The following ARHGAP12 variants were observed in gnomAD, a reference collection of about 807,000 sequenced individuals.
The protein encoded by ARHGAP12 is rho GTPase-activating protein 12.
In ARHGAP12, 64 loss-of-function variants were observed where a neutral mutation model predicts 108.6. The ratio of observed to expected loss-of-function variants is 0.59; its 90% CI spans 0.48 to 0.73. The LOEUF is 0.73. ARHGAP12 is among the 30% of genes least tolerant of loss of function. The pLI is 0.00. For synonymous variants in ARHGAP12, 312 were observed against 337.2 expected (o/e 0.93, Z 0.82); for missense variants, 940 against 1,005.9 (o/e 0.93, Z 0.89).
rs763287975 is a variant in ARHGAP12 at position 31,831,811 on chromosome 10, G to A, written c.1387-11C>T. 9.3e-6 allele frequency: 14 copies of A among 1,509,412 alleles called. 1 individual carries two copies. The South Asian group carries it at 1.4e-4, about 15-fold the overall frequency. The allele number at this position is 1,509,412 out of a possible 1,614,324, so 93.5% of individuals were successfully genotyped here. A position where few individuals can be genotyped will look rare whatever the true frequency, so the allele number is the denominator to read the frequency against. ...ATATTTCTCTTGATCCTATGGAACA[G>A]AGTAATACTGTTTATACAATCACAT... On this transcript the variant is annotated splice_polypyrimidine_tract_variant and intron_variant, in intron 9 of 19. Transcript: ENST00000344936.
intron 3 of ARHGAP12, among the ~76,000 whole-genome samples, chr10:31,901,557 A>G (rs1318267558): frequency 6.8e-6 from 1 of 146,852 alleles, no homozygotes; most frequent in Admixed American, 6.8e-5. Flanking sequence ...AAAAAAAAAA[A>G]AGTTTGAAAC....
At chr10:31,901,953 G>A (rs995073663) in intron 3 of ARHGAP12, among the ~76,000 whole-genome samples, 23 of 152,026 alleles carry the variant, frequency 1.5e-4, no homozygotes, top group African/African-American at 4.3e-4. Context: ...GGATAATCTC[G>A]TCAAGATCCT....
chr10:31,894,686 T>C (rs903418572), intron 3 of ARHGAP12, among the ~76,000 whole-genome samples: 1 of 152,182 alleles, frequency 6.6e-6, no homozygotes, highest in African/African-American at 2.4e-5. Context: ...AGGTAGATTA[T>C]AGATTCATTG....
At chr10:31,916,831 G>C (rs1032553626) in intron 1 of ARHGAP12, among the ~76,000 whole-genome samples, 3 of 151,888 alleles carry the variant, frequency 2.0e-5, no homozygotes, top group African/African-American at 7.3e-5. Context: ...TGGCCAGGCT[G>C]GTCTGGAATT....
intron 4 of ARHGAP12, among the ~76,000 whole-genome samples, chr10:31,856,034 T>A (rs1386953052): frequency 6.6e-6 from 1 of 152,154 alleles, no homozygotes; most frequent in Non-Finnish European, 1.5e-5. Context: ...ACCAATTCAG[T>A]AACTTTGGGA....
chr10:31,854,272 T>A, intron 4 of ARHGAP12, 66 bp from the exon 5 acceptor site: 1 of 1,386,778 alleles, frequency 7.2e-7, no homozygotes, highest in Non-Finnish European at 9.7e-7. Context: ...GTTGAAAATC[T>A]AATAAATAAA....
chr10:31,926,717 ACTTT>A (rs1840063629), intron 1 of ARHGAP12, among the ~76,000 whole-genome samples: 1 of 152,216 alleles, frequency 6.6e-6, no homozygotes, highest in African/African-American at 2.4e-5. Context: ...TGTAAAGTTC[ACTTT>A]CTATCAGCCT....
At chr10:31,835,605 T>C (rs748224894) in intron 9 of ARHGAP12, among the ~76,000 whole-genome samples, 10 of 152,222 alleles carry the variant, frequency 6.6e-5, no homozygotes, top group Non-Finnish European at 1.3e-4. Flanking sequence ...TGCATTCTTT[T>C]AGTAAAGTAG....
chr10:31,832,794 AT>A (rs200823707), intron 9 of ARHGAP12, among the ~76,000 whole-genome samples: 2 of 151,984 alleles, frequency 1.3e-5, no homozygotes, highest in South Asian at 2.1e-4. Flanking sequence ...AATATTGAGC[AT>A]TTTTTTTACC....
chr10:31,887,555 TA>T (rs1293888335), intron 3 of ARHGAP12, among the ~76,000 whole-genome samples: 1 of 152,052 alleles, frequency 6.6e-6, no homozygotes, highest in African/African-American at 2.4e-5. Context: ...CAAAGATCAA[TA>T]GGACACAATC....
intron 11 of ARHGAP12, among the ~76,000 whole-genome samples, chr10:31,821,118 C>A (rs1835401133): frequency 6.6e-6 from 1 of 152,060 alleles, no homozygotes; most frequent in African/African-American, 2.4e-5. Context: ...ACGCTGTTAA[C>A]AACAACTTGT....
intron 3 of ARHGAP12, among the ~76,000 whole-genome samples, chr10:31,874,236 C>A (rs1837642567): frequency 6.6e-6 from 1 of 152,174 alleles, no homozygotes; most frequent in Non-Finnish European, 1.5e-5. Flanking sequence ...GCCCAACATA[C>A]CATCTTTTCT....
intron 12 of ARHGAP12, among the ~76,000 whole-genome samples, chr10:31,819,300 C>A (rs976949590): frequency 6.6e-6 from 1 of 152,108 alleles, no homozygotes; most frequent in Non-Finnish European, 1.5e-5. Flanking sequence ...AAAACCTGGG[C>A]TCCACTTGGA....
chr10:31,923,718 G>C (rs997579083), intron 1 of ARHGAP12, among the ~76,000 whole-genome samples: 2 of 152,130 alleles, frequency 1.3e-5, no homozygotes, highest in African/African-American at 4.8e-5. Context: ...TAAAATTCTA[G>C]AAAATTGATT....
rs74127851 is a variant in ARHGAP12 at position 31,837,490 on chromosome 10, A to C, written c.1386+1815T>G. ...TAATAACTTGCACTTATTCAATGCA[A>C]TTAGTGACTTGAGAGTTCAGATAAA... On this transcript the variant is annotated intron_variant, in intron 9 of 19. Transcript: ENST00000344936. 3.5e-3 allele frequency among the ~76,000 whole-genome samples: 527 copies of C among 152,342 alleles called. 2 individuals are homozygous for C. The highest frequency in any genetic ancestry group is 0.012 in the African/African-American group (514 of 41,586).
At chr10:31,824,385 T>C (rs959336323) in intron 11 of ARHGAP12, among the ~76,000 whole-genome samples, 1 of 152,158 alleles carries the variant, frequency 6.6e-6, no homozygotes, top group Non-Finnish European at 1.5e-5. Context: ...AAAATAGTGA[T>C]TCCCTGTAAT....
intron 4 of ARHGAP12, among the ~76,000 whole-genome samples, chr10:31,858,945 C>G (rs1486668807): frequency 6.6e-6 from 1 of 152,192 alleles, no homozygotes; most frequent in Non-Finnish European, 1.5e-5. Flanking sequence ...GGAACAGAAT[C>G]TGCAACTGGC....
chr10:31,908,618 G>A lies in ARHGAP12; in HGVS notation c.238C>T (p.Pro80Ser), dbSNP rs140240841. Residue 80 changes from proline (P) to serine (S), a missense_variant, in exon 3 of 20, where the codon CCT becomes TCT. Coordinates refer to ENST00000344936, the MANE Select transcript of ARHGAP12 (RefSeq NM_018287.7). ...KEVTRKALMP[P>S]VKQVAGLPNN... is the part of the protein sequence containing the mutation. ...GGCAGACCAGCTACCTGCTTAACAG[G>A]TGGCATGAGAGCTTTGCGCGTGACC... 7.3e-5 allele frequency: 118 copies of A among 1,614,166 alleles called. 1 individual carries two copies. The highest frequency in any genetic ancestry group is 3.3e-4 in the Middle Eastern group (2 of 6,062).
rs12412860 is a variant in ARHGAP12 at position 31,830,116 on chromosome 10, A to T, written c.1448+1623T>A. ...GTGTCAATTTGTAATAGGTATTTTT[A>T]AAAAAATTATCCTTAAAATTTGTTT... On this transcript the variant is annotated intron_variant, in intron 10 of 19. Coordinates refer to ENST00000344936, the MANE Select transcript of ARHGAP12 (RefSeq NM_018287.7). 2.9e-3 allele frequency among the ~76,000 whole-genome samples: 447 copies of T among 152,284 alleles called. 4 individuals carry two copies. The highest frequency in any genetic ancestry group is 0.014 in the Admixed American group (215 of 15,306).
Sources: allele counts gnomAD v4.1 joint callset (sites outside exome capture counted in the v4.1 genomes callset), GRCh38; gene constraint gnomAD v4.1.1; transcripts MANE v1.5; gene names NCBI Gene and HGNC (gene_info 2026-07-23, HGNC 2026-07-21).